The following CNTNAP5 variants were observed in gnomAD, a reference collection of about 807,000 sequenced individuals.
The protein encoded by CNTNAP5 is contactin-associated protein-like 5.
Under a neutral mutation model 150.2 loss-of-function variants are expected in CNTNAP5, and 72 were observed. That is an observed-to-expected ratio of 0.48 (90% CI 0.40 to 0.58). The LOEUF (loss-of-function observed/expected upper bound fraction) is 0.58. CNTNAP5 is among the 20% of genes least tolerant of loss of function. The pLI, the probability that CNTNAP5 is intolerant of heterozygous loss-of-function variation, is 0.00. For synonymous variants in CNTNAP5, 672 were observed against 619.8 expected (o/e 1.08, Z -1.25); for missense variants, 1,636 against 1,626.2 (o/e 1.01, Z -0.10).
chr2:124,222,455 G>C (rs1441064731), intron 2 of CNTNAP5, among the ~76,000 whole-genome samples: 1 of 151,906 alleles, frequency 6.6e-6, no homozygotes, highest in Admixed American at 6.6e-5. Context: ...TAGATACATA[G>C]GTAGATAAAT....
intron 12 of CNTNAP5, among the ~76,000 whole-genome samples, chr2:124,622,690 A>G (rs547693088): frequency 6.6e-6 from 1 of 152,154 alleles, no homozygotes; most frequent in Non-Finnish European, 1.5e-5. Context: ...ATCTCATTGG[A>G]AAACACTCTA....
chr2:124,914,293 C>T lies in CNTNAP5; in HGVS notation c.*5C>T, dbSNP rs1462735390. 1 of 1,602,234 alleles carries T rather than the reference C, an allele frequency of 6.2e-7. No homozygotes were observed. The highest frequency in any genetic ancestry group is 1.7e-5 in the Admixed American group (1 of 59,652). The stretch of plus-strand genomic sequence containing the variant: ...AAACGGGAATATTTCATCTGAGAAA[C>T]TGCAGGGTTCCTACTACTCTTTTTT... On this transcript the variant is annotated 3_prime_UTR_variant, in exon 24 of 24. Transcript: ENST00000682447.
chr2:124,494,220 T>C (rs1391861711), intron 7 of CNTNAP5, among the ~76,000 whole-genome samples: 2 of 151,808 alleles, frequency 1.3e-5, no homozygotes, highest in Non-Finnish European at 2.9e-5. Context: ...TAACTCCAAG[T>C]TTGAAGGCTG....
intron 1 of CNTNAP5, among the ~76,000 whole-genome samples, chr2:124,089,778 A>G (rs1006885481): frequency 6.6e-6 from 1 of 152,250 alleles, no homozygotes; most frequent in African/African-American, 2.4e-5. Context: ...TTAGTTGATC[A>G]TAGCTCTGAA....
rs1678819086 is a variant in CNTNAP5 at position 124,918,839 on chromosome 2, A to G, written c.*4551A>G. Among the ~76,000 whole-genome samples the G allele has an allele frequency of 6.6e-6, 1 of 152,184 alleles. No individual in the cohort carries two copies. The highest frequency in any genetic ancestry group is 1.5e-5 in the Non-Finnish European group (1 of 68,018). ...TTTCTGAAGATGGCAAAGGCGATTA[A>G]TGGAAGAAGATGCAGACAAACTCAA... On this transcript the variant is annotated 3_prime_UTR_variant, in exon 24 of 24. Transcript: ENST00000682447.
intron 21 of CNTNAP5, among the ~76,000 whole-genome samples, chr2:124,878,581 C>T (rs72963873): frequency 0.037 from 5,627 of 152,084 alleles, 338 homozygotes; most frequent in African/African-American, 0.13. Context: ...CTCTTCTCTC[C>T]CACTCTAGGG....
In CNTNAP5 at chr2:124,408,821, C is replaced by T. The variant is rs1195445300; in HGVS notation, c.382-8622C>T. ...CAGAAAATCTGGAAACTCTAAAATG[C>T]AGAGCTCCTCTCCTCCTCCAAAGGA... On this transcript the variant is annotated intron_variant, in intron 3 of 23. Coordinates refer to ENST00000682447, the MANE Select transcript of CNTNAP5 (RefSeq NM_001367498.1). Among the ~76,000 whole-genome samples, 9 of 152,274 alleles carry T rather than the reference C, an allele frequency of 5.9e-5. No homozygotes were observed. In the South Asian group the frequency reaches 1.9e-3, roughly 32 times the overall value.
In CNTNAP5 at chr2:124,255,380, C is replaced by T. The variant is rs140524587; in HGVS notation, c.381+12987C>T. Among the ~76,000 whole-genome samples, 804 of 151,688 alleles carry T rather than the reference C, an allele frequency of 5.3e-3. 6 individuals are homozygous for T. Among genetic ancestry groups the T allele is most frequent in the African/African-American group, 0.012 (513 of 41,390 alleles). On this transcript the variant is annotated intron_variant, in intron 3 of 23. Coordinates refer to ENST00000682447, the MANE Select transcript of CNTNAP5 (RefSeq NM_001367498.1). Reference sequence around the variant, plus strand: ...TTTACTAAAAATACAAAAATTTAGCCGGGTGTGGTGGTGTTCACCTGTAGT... The same window carrying T: ...TTTACTAAAAATACAAAAATTTAGCTGGGTGTGGTGGTGTTCACCTGTAGT...
At chr2:124,435,702 G>T (rs1347301081) in intron 5 of CNTNAP5, among the ~76,000 whole-genome samples, 1 of 152,128 alleles carries the variant, frequency 6.6e-6, no homozygotes, top group African/African-American at 2.4e-5. Context: ...AAAATCCACA[G>T]TTAAATACAT....
intron 21 of CNTNAP5, among the ~76,000 whole-genome samples, chr2:124,890,952 T>C (rs1207191757): frequency 6.6e-6 from 1 of 152,122 alleles, no homozygotes; most frequent in Non-Finnish European, 1.5e-5. Flanking sequence ...TGCCAGGCAA[T>C]GAGCTAAAAA....
At chr2:124,328,107 A>T (rs2553629) in intron 3 of CNTNAP5, among the ~76,000 whole-genome samples, 105,773 of 152,052 alleles carry the variant, frequency 0.7, 37,997 homozygotes, top group African/African-American at 0.87. Flanking sequence ...AAAGTTTTTT[A>T]AAAAAGTTAT....
intron 2 of CNTNAP5, among the ~76,000 whole-genome samples, chr2:124,234,155 C>T (rs1212066364): frequency 1.3e-5 from 2 of 152,008 alleles, no homozygotes; most frequent in Non-Finnish European, 2.9e-5. Flanking sequence ...CAGTGTTTTA[C>T]CTTGCTGCTG....
chr2:124,282,692 A>T (rs567429382), intron 3 of CNTNAP5, among the ~76,000 whole-genome samples: 1 of 152,150 alleles, frequency 6.6e-6, no homozygotes, highest in Non-Finnish European at 1.5e-5. Context: ...CACAACAGAT[A>T]AATACATTAA....
In CNTNAP5 at chr2:124,305,375, G is replaced by T. The variant is rs186339803; in HGVS notation, c.381+62982G>T. On this transcript the variant is annotated intron_variant, in intron 3 of 23. Transcript: ENST00000682447. ...GGTAATGCTGGTAATGCACATAAGC[G>T]AAGGAAGAATGAAAATTATCCAAGT... Among the ~76,000 whole-genome samples the T allele has an allele frequency of 5.9e-5, 9 of 152,264 alleles. 1 individual carries two copies. Among genetic ancestry groups the T allele is most frequent in the African/African-American group, 2.4e-5 (1 of 41,554 alleles).
intron 1 of CNTNAP5, among the ~76,000 whole-genome samples, chr2:124,114,411 A>G (rs1490680966): frequency 6.6e-6 from 1 of 152,056 alleles, no homozygotes; most frequent in Non-Finnish European, 1.5e-5. Flanking sequence ...ATTTAAAAAT[A>G]GGATCTTCTA....
chr2:124,067,034 A>T (rs1254086926), intron 1 of CNTNAP5, among the ~76,000 whole-genome samples: 1 of 152,192 alleles, frequency 6.6e-6, no homozygotes, highest in Non-Finnish European at 1.5e-5. Flanking sequence ...TTTAGACTAC[A>T]AGTACCTAGA....
chr2:124,558,782 GA>G (rs1695819459), intron 10 of CNTNAP5, among the ~76,000 whole-genome samples: 1 of 152,118 alleles, frequency 6.6e-6, no homozygotes, highest in Admixed American at 6.5e-5. Flanking sequence ...TAACCACTCT[GA>G]TCTTCCTGAA....
intron 14 of CNTNAP5, among the ~76,000 whole-genome samples, chr2:124,749,677 G>T (rs1202767784): frequency 1.3e-5 from 2 of 152,150 alleles, no homozygotes; most frequent in African/African-American, 4.8e-5. Flanking sequence ...ACCTCCCAAA[G>T]TGCTGGGATT....
At chr2:124,704,670 A>C (rs1278852840) in intron 13 of CNTNAP5, among the ~76,000 whole-genome samples, 31 of 152,122 alleles carry the variant, frequency 2.0e-4, no homozygotes, top group Non-Finnish European at 5.9e-5. Flanking sequence ...CTGGAGGAAA[A>C]ATGCCAGAAT....
Sources: allele counts gnomAD v4.1 joint callset (sites outside exome capture counted in the v4.1 genomes callset), GRCh38; gene constraint gnomAD v4.1.1; transcripts MANE v1.5; gene names NCBI Gene and HGNC (gene_info 2026-07-23, HGNC 2026-07-21).